Variants in UHRF1 observed in about 807,000 individuals in gnomAD.
UHRF1 encodes the protein E3 ubiquitin-protein ligase UHRF1.
A neutral mutation model predicts 96.5 loss-of-function variants in UHRF1; 9 were observed. That is an observed-to-expected ratio of 0.09 (90% CI 0.06 to 0.16). The LOEUF (loss-of-function observed/expected upper bound fraction) is 0.16, where lower values mean the gene tolerates loss of function less well. Ranked by LOEUF, UHRF1 falls within the 10% of genes least tolerant of loss-of-function variation. The pLI, the probability that UHRF1 is intolerant of heterozygous loss-of-function variation, is 1.00. For synonymous variants in UHRF1, 455 were observed against 469.9 expected, an observed-to-expected ratio of 0.97 and a Z score of 0.41; for missense variants, 626 against 1,131.1, an observed-to-expected ratio of 0.55 and a Z score of 6.40.
chr19:4,915,709 C>CAA (rs201046048), intron 2 of UHRF1, among the ~76,000 whole-genome samples: 17 of 150,174 alleles, frequency 1.1e-4, no homozygotes, highest in Non-Finnish European at 2.5e-4. Flanking sequence ...GACTCCGTCT[C>CAA]AAAAAAAAAG....
intron 5 of UHRF1, among the ~76,000 whole-genome samples, chr19:4,938,428 T>C (rs73534670): frequency 0.013 from 1,988 of 152,208 alleles, 41 homozygotes; most frequent in African/African-American, 0.045. Context: ...TATGTTTTCT[T>C]TTTATTTTTG....
intron 4 of UHRF1, among the ~76,000 whole-genome samples, chr19:4,931,905 C>T (rs1421756475): frequency 3.9e-5 from 6 of 152,292 alleles, no homozygotes; most frequent in South Asian, 2.1e-4. Context: ...GGACTACAGG[C>T]GTGCACCACT....
chr19:4,907,188 C>T (rs1216473320), upstream of UHRF1, among the ~76,000 whole-genome samples: 2 of 152,182 alleles, frequency 1.3e-5, no homozygotes, highest in Admixed American at 6.6e-5. Flanking sequence ...TGGCTCACTG[C>T]AACCTCCGTC....
intron 2 of UHRF1, among the ~76,000 whole-genome samples, chr19:4,926,834 G>A (rs2032886952): frequency 6.6e-6 from 1 of 152,104 alleles, no homozygotes; most frequent in Admixed American, 6.6e-5. Context: ...GAAGGTTGAG[G>A]TGGGCGGATC....
chr19:4,910,801 C>T (rs955185354), intron 1 of UHRF1, 75 bp from the exon 2 acceptor site: 1 of 1,475,828 alleles, frequency 6.8e-7, no homozygotes, highest in Admixed American at 2.2e-5. Flanking sequence ...AAAAGCAACC[C>T]CGACTCCTTA....
At chr19:4,936,540 T>TC (rs2033220773) in intron 5 of UHRF1, among the ~76,000 whole-genome samples, 1 of 152,162 alleles carries the variant, frequency 6.6e-6, no homozygotes, top group African/African-American at 2.4e-5. Context: ...AGGGCTGACT[T>TC]CTAAATGCAA....
chr19:4,906,199 A>G (rs1353117587), upstream of UHRF1, among the ~76,000 whole-genome samples: 2 of 152,016 alleles, frequency 1.3e-5, no homozygotes, highest in Non-Finnish European at 2.9e-5. Flanking sequence ...AGCTGGTCTC[A>G]AACTCCCGGG....
At chr19:4,959,695 G>A (rs912361592) in intron 16 of UHRF1, among the ~76,000 whole-genome samples, 11 of 152,128 alleles carry the variant, frequency 7.2e-5, no homozygotes, top group East Asian at 3.9e-4. Flanking sequence ...TCTCATTGAC[G>A]TGTATGTTTA....
Position 4,956,378 on chromosome 19 carries a change from A to G in UHRF1, c.2131-331A>G, listed in dbSNP as rs546389415. On this transcript the variant is annotated intron_variant, in intron 15 of 16. Coordinates refer to ENST00000650932, the MANE Select transcript of UHRF1 (RefSeq NM_001048201.3). ...CCGCTCCCAGCCAGGAACCTCTCCT[A>G]AAGCCCTGTCTTGACTCAGTGCAGG... Among the ~76,000 whole-genome samples the G allele has an allele frequency of 9.2e-5, 14 of 152,312 alleles. No individual in the cohort carries two copies. The East Asian group carries it at 2.3e-3, about 25-fold the overall frequency.
upstream of UHRF1, among the ~76,000 whole-genome samples, chr19:4,905,664 C>A (rs756752909): frequency 6.6e-6 from 1 of 152,014 alleles, no homozygotes; most frequent in Non-Finnish European, 1.5e-5. Context: ...ATTATAGGCA[C>A]GTGCCACCAC....
chr19:4,909,943 C>T (rs1327649359), intron 1 of UHRF1, among the ~76,000 whole-genome samples: 1 of 150,824 alleles, frequency 6.6e-6, no homozygotes, highest in Admixed American at 6.6e-5. Flanking sequence ...CGCGCCTGCG[C>T]GCGGGGCGCC....
chr19:4,924,306 C>T (rs1405381060), intron 2 of UHRF1, among the ~76,000 whole-genome samples: 2 of 151,998 alleles, frequency 1.3e-5, no homozygotes. Context: ...CCCGCCACCA[C>T]GCCTGGCTAA....
intron 2 of UHRF1, among the ~76,000 whole-genome samples, chr19:4,918,657 G>T (rs930318429): frequency 6.7e-6 from 1 of 149,336 alleles, no homozygotes; most frequent in African/African-American, 2.5e-5. Context: ...CCAGTTATCT[G>T]CCGGCCTCAG....
intron 2 of UHRF1, among the ~76,000 whole-genome samples, chr19:4,912,535 T>C (rs989278543): frequency 1.3e-5 from 2 of 152,130 alleles, no homozygotes; most frequent in Non-Finnish European, 2.9e-5. Flanking sequence ...CATGCAGGAA[T>C]GGGAAAACAC....
intron 10 of UHRF1, 139 bp downstream of exon 10, chr19:4,946,104 A>G (rs1568427065): frequency 1.6e-6 from 1 of 623,942 alleles, no homozygotes; most frequent in Non-Finnish European, 2.8e-6. Flanking sequence ...TCCCATTGCT[A>G]TGCAACCATC....
intron 2 of UHRF1, among the ~76,000 whole-genome samples, chr19:4,918,363 C>A (rs532246245): frequency 6.6e-6 from 1 of 151,792 alleles, no homozygotes; most frequent in Non-Finnish European, 1.5e-5. Context: ...CTCAGGTGAT[C>A]CACCCACCTT....
chr19:4,939,809 G>A (rs2033329930), intron 5 of UHRF1, among the ~76,000 whole-genome samples: 1 of 152,154 alleles, frequency 6.6e-6, no homozygotes, highest in Non-Finnish European at 1.5e-5. Context: ...CGGATCACAA[G>A]GTCAGGAGAT....
intron 5 of UHRF1, among the ~76,000 whole-genome samples, chr19:4,937,293 C>CTTTT (rs11411657): frequency 6.3e-4 from 79 of 125,410 alleles, no homozygotes; most frequent in Non-Finnish European, 1.1e-3. Context: ...AGATGGGCCA[C>CTTTT]TTTTTTTTTT....
intron 4 of UHRF1, among the ~76,000 whole-genome samples, chr19:4,932,217 C>G (rs759331885): frequency 2.0e-5 from 3 of 152,204 alleles, no homozygotes; most frequent in Non-Finnish European, 4.4e-5. Flanking sequence ...GCCACCGTGC[C>G]CGGCCATGCC....
Sources: allele counts gnomAD v4.1 joint callset (sites outside exome capture counted in the v4.1 genomes callset), GRCh38; gene constraint gnomAD v4.1.1; transcripts MANE v1.5; gene names NCBI Gene and HGNC (gene_info 2026-07-23, HGNC 2026-07-21).